The following C4orf36 variants were observed in gnomAD, a reference collection of about 807,000 sequenced individuals.
C4orf36 encodes chromosome 4 open reading frame 36, also known as uncharacterized protein C4orf36.
In C4orf36, 11 loss-of-function variants were observed where a neutral mutation model predicts 12.2. That is an observed-to-expected ratio of 0.90 (90% confidence interval 0.57 to 1.49). The LOEUF (loss-of-function observed/expected upper bound fraction) is 1.49, where lower values mean the gene tolerates loss of function less well. C4orf36 is among the 40% of genes most tolerant of loss of function. The pLI, the probability that C4orf36 is intolerant of heterozygous loss-of-function variation, is 0.00. For synonymous variants in C4orf36, 54 were observed against 51.3 expected (o/e 1.05, Z -0.22); for missense variants, 137 against 133.9 (o/e 1.02, Z -0.11).
In C4orf36 at chr4:86,891,551, T is replaced by C. The variant is rs144168414; in HGVS notation, c.-31A>G. ...GTTATTACGGTATGATTTCGTTACA[T>C]AGGTGCCTGATGGAATGTCACAGAT... On this transcript the variant is annotated 5_prime_UTR_variant, in exon 2 of 5. It removes an upstream start codon present in the reference 5' UTR. Coordinates refer to ENST00000295898, the MANE Select transcript of C4orf36 (RefSeq NM_144645.4). The C allele has an allele frequency of 4.6e-4, 739 of 1,613,936 alleles. 5 individuals are homozygous for C. The African/African-American group carries it at 9.1e-3, about 20-fold the overall frequency.
the C4orf36 span, chr4:86,935,443 A>C: frequency 6.6e-6 from 1 of 152,338 alleles, no homozygotes; most frequent in Non-Finnish European, 1.5e-5. Flanking sequence ...TCACCGCCCT[A>C]CTTGCGATCC....
chr4:86,878,845 C>T (rs1434146122), intron 4 of C4orf36, among the ~76,000 whole-genome samples: 1 of 152,110 alleles, frequency 6.6e-6, no homozygotes. Context: ...GAGTGTAGTA[C>T]CACAGACAGA....
the C4orf36 span, among the ~76,000 whole-genome samples, chr4:86,916,123 G>C: frequency 1.3e-5 from 2 of 152,186 alleles, no homozygotes; most frequent in Non-Finnish European, 2.9e-5. Context: ...GGAACAAGAG[G>C]ACAGAAGTAT....
At chr4:86,913,320 G>C in the C4orf36 span, 1 of 783,784 alleles carries the variant, frequency 1.3e-6, no homozygotes. Flanking sequence ...TGGCTCCACC[G>C]ATGTCAGTAG....
Position 86,892,320 on chromosome 4 carries a change from T to A in C4orf36, c.-211A>T. 5.1e-6 allele frequency: 5 copies of A among 985,548 alleles called. No individual in the cohort carries two copies. Among genetic ancestry groups the A allele is most frequent in the Non-Finnish European group, 6.0e-6 (5 of 830,026 alleles). The allele number at this position is 985,548 out of a possible 1,614,324, so 61.1% of individuals were successfully genotyped here. On this transcript the variant is annotated 5_prime_UTR_variant, in exon 1 of 5. Transcript: ENST00000295898. ...GCTCGGAGGGTCGCGGCCGGGGTACTGAGGTAAGAGCGCGCTGCGCTAAGC... is the reference window on the plus strand; with the variant it reads ...GCTCGGAGGGTCGCGGCCGGGGTACAGAGGTAAGAGCGCGCTGCGCTAAGC...
chr4:86,916,381 A>C, the C4orf36 span, among the ~76,000 whole-genome samples: 2 of 152,246 alleles, frequency 1.3e-5, no homozygotes, highest in East Asian at 1.9e-4. Context: ...AAAAAAAAAA[A>C]AAAACTTTTT....
At chr4:86,904,112 G>A in the C4orf36 span, among the ~76,000 whole-genome samples, 21 of 152,218 alleles carry the variant, frequency 1.4e-4, no homozygotes, top group Non-Finnish European at 2.6e-4. Context: ...GGCACTCGCC[G>A]GGACTTTGCG....
the C4orf36 span, among the ~76,000 whole-genome samples, chr4:86,905,624 G>A: frequency 4.6e-5 from 7 of 152,102 alleles, no homozygotes; most frequent in East Asian, 1.9e-4. Flanking sequence ...GGGAAGACAA[G>A]TGGTGATCTG....
the C4orf36 span, among the ~76,000 whole-genome samples, chr4:86,918,717 C>T: frequency 2.0e-5 from 3 of 152,210 alleles, no homozygotes; most frequent in East Asian, 3.9e-4. Context: ...ATGTATGGAA[C>T]CCAGGGGATT....
the C4orf36 span, among the ~76,000 whole-genome samples, chr4:86,915,648 A>C: frequency 6.6e-6 from 1 of 152,154 alleles, no homozygotes; most frequent in Non-Finnish European, 1.5e-5. Flanking sequence ...TTAGCTGGAC[A>C]TGGTGGTGCA....
the C4orf36 span, among the ~76,000 whole-genome samples, chr4:86,924,188 A>G: frequency 2.0e-5 from 3 of 152,054 alleles, no homozygotes; most frequent in African/African-American, 4.8e-5. Flanking sequence ...CCATAGGCGC[A>G]TGCCACCACA....
Position 86,876,468 on chromosome 4 carries a change from A to G in C4orf36, c.*3-25T>C. On this transcript the variant is annotated intron_variant, in intron 4 of 4. Transcript: ENST00000295898. ...GCTGCGCAAAGGAGAGGGGGAAAAT[A>G]AGATTTTATTTTATCATCCAAATGA... 3.7e-6 allele frequency: 6 copies of G among 1,613,580 alleles called. 1 individual carries two copies. The South Asian group carries it at 6.6e-5, about 18-fold the overall frequency.
the C4orf36 span, among the ~76,000 whole-genome samples, chr4:86,913,103 T>C: frequency 1.3e-5 from 2 of 152,322 alleles, no homozygotes; most frequent in South Asian, 2.1e-4. Flanking sequence ...ACCAACACTT[T>C]AACCAATTTT....
upstream of C4orf36, among the ~76,000 whole-genome samples, chr4:86,895,691 T>C (rs577242678): frequency 6.6e-6 from 1 of 152,238 alleles, no homozygotes; most frequent in Non-Finnish European, 1.5e-5. Context: ...GTATATCCTT[T>C]TGAAATATCA....
At chr4:86,902,667 C>G in the C4orf36 span, among the ~76,000 whole-genome samples, 1 of 152,152 alleles carries the variant, frequency 6.6e-6, no homozygotes, top group African/African-American at 2.4e-5. Flanking sequence ...TTCCAAACAT[C>G]CAGATAACTT....
the C4orf36 span, among the ~76,000 whole-genome samples, chr4:86,928,083 T>C: frequency 1.3e-5 from 2 of 152,188 alleles, no homozygotes; most frequent in African/African-American, 4.8e-5. Flanking sequence ...AGGCAGTTGC[T>C]CAATCTTTCT....
chr4:86,900,645 C>T, the C4orf36 span, among the ~76,000 whole-genome samples: 1 of 152,156 alleles, frequency 6.6e-6, no homozygotes, highest in East Asian at 1.9e-4. Context: ...GACCTTGGCT[C>T]CCTCCATGGT....
In C4orf36 at chr4:86,892,320, T is replaced by G. The variant is rs1747455105; in HGVS notation, c.-211A>C. ...GCTCGGAGGGTCGCGGCCGGGGTAC[T>G]GAGGTAAGAGCGCGCTGCGCTAAGC... On this transcript the variant is annotated 5_prime_UTR_variant, in exon 1 of 5. Coordinates refer to ENST00000295898, the MANE Select transcript of C4orf36 (RefSeq NM_144645.4). 1 of 985,434 alleles carries G rather than the reference T, an allele frequency of 1.0e-6. No individual in the cohort carries two copies. Among genetic ancestry groups the G allele is most frequent in the South Asian group, 4.7e-5 (1 of 21,298 alleles). 61.0% of individuals were successfully genotyped at this position (985,434 alleles called of 1,614,324 possible).
chr4:86,925,514 GC>G, the C4orf36 span: 1 of 152,024 alleles, frequency 6.6e-6, no homozygotes, highest in African/African-American at 2.4e-5. Flanking sequence ...ACCACACCTG[GC>G]CCCCAAACTA....
Sources: allele counts gnomAD v4.1 joint callset (sites outside exome capture counted in the v4.1 genomes callset), GRCh38; gene constraint gnomAD v4.1.1; transcripts MANE v1.5; gene names NCBI Gene and HGNC (gene_info 2026-07-23, HGNC 2026-07-21).